PLA2G4B: variants seen among roughly 807,000 people sequenced by gnomAD.
PLA2G4B encodes the protein cytosolic phospholipase A2 beta.
PLA2G4B carries 122 observed loss-of-function variants against 95.8 expected under a neutral mutation model. The observed-to-expected ratio is 1.27, with a 90% CI of 1.10 to 1.48. PLA2G4B has a LOEUF of 1.48. PLA2G4B is among the 40% of genes most tolerant of loss of function. The pLI, the probability that PLA2G4B is intolerant of heterozygous loss-of-function variation, is 0.00. For missense variants in PLA2G4B, 1,158 were observed against 996.2 expected, an observed-to-expected ratio of 1.16 and a Z score of -2.19; for synonymous variants, 518 against 421.5, an observed-to-expected ratio of 1.23 and a Z score of -2.80.
At chr15:41,843,924 C>T in intron 11 of PLA2G4B, 113 bp downstream of exon 11, 1 of 1,462,344 alleles carries the variant, frequency 6.8e-7, no homozygotes, top group Non-Finnish European at 9.0e-7. Context: ...AGCTGCCTGT[C>T]CCCACCCTGC....
intron 10 of PLA2G4B, among the ~76,000 whole-genome samples, chr15:41,843,381 G>C (rs191819967): frequency 1.8e-4 from 28 of 152,136 alleles, no homozygotes; most frequent in African/African-American, 3.9e-4. Context: ...AGACTTGGAG[G>C]GGGGGGATCT....
chr15:41,845,574 C>CGGGGTG (rs1324771314), intron 14 of PLA2G4B, 64 bp from the exon 15 acceptor site: 28 of 1,592,206 alleles, frequency 1.8e-5, no homozygotes, highest in East Asian at 9.0e-5. Context: ...AACCCTGGGT[C>CGGGGTG]GGGGTGGGGG....
In PLA2G4B at chr15:41,845,717, G is replaced by A. The variant is rs144134982; in HGVS notation, c.1437G>A (p.Glu479=). The A allele has an allele frequency of 6.2e-7, 1 of 1,613,114 alleles. No homozygotes were observed. The highest frequency in any genetic ancestry group is 8.5e-7 in the Non-Finnish European group (1 of 1,179,604). Residue 479 remains glutamate (E), a synonymous_variant, in exon 15 of 20, where the codon GAG becomes GAA. Transcript: ENST00000458483. Reference sequence around the variant, plus strand: ...TCCCCTCTGAGCTCTTTGGCTCCGAGTTCTTTATGGGGCAGCTGATGAAGA... The same window carrying A: ...TCCCCTCTGAGCTCTTTGGCTCCGAATTCTTTATGGGGCAGCTGATGAAGA... The part of the protein sequence containing the change: ...AFIPSELFGS[E]FFMGQLMKRL...
chr15:41,843,762 C>T lies in PLA2G4B; in HGVS notation c.830C>T (p.Ala277Val), dbSNP rs145554825. 8.7e-6 allele frequency: 14 copies of T among 1,613,720 alleles called. No individual in the cohort carries two copies. The highest frequency in any genetic ancestry group is 6.7e-5 in the African/African-American group (5 of 74,920). Residue 277 changes from alanine to valine, a missense_variant, in exon 11 of 20, where the codon GCG becomes GTG. Transcript: ENST00000458483. ...AGCAGGAGGAAGCAGGTGGTGGCCGCGGCCTTGAGGCAGGCCCTGCAGCTG... is the reference window on the plus strand; with the variant it reads ...AGCAGGAGGAAGCAGGTGGTGGCCGTGGCCTTGAGGCAGGCCCTGCAGCTG... ...FLSRRKQVVAAALRQALQLDG... is the reference protein window; with the variant it reads ...FLSRRKQVVAVALRQALQLDG...
intron 3 of PLA2G4B, 54 bp downstream of exon 3, chr15:41,840,714 T>C: frequency 6.2e-7 from 1 of 1,606,678 alleles, no homozygotes; most frequent in Non-Finnish European, 8.5e-7. Flanking sequence ...CCACTGCCGC[T>C]GCCCTGCTCA....
Position 41,846,843 on chromosome 15 carries a change from AG to A in PLA2G4B, c.1947+11del. On this transcript the variant is annotated intron_variant, in intron 18 of 19. Transcript: ENST00000458483. ...CTCCACGGAGCCTTCCAGGTTGGGA[AG>A]GGTGGGCAGCCCACCAGGGAGGCGG... The A allele has an allele frequency of 1.3e-6, 2 of 1,599,228 alleles. No individual in the cohort carries two copies. Among genetic ancestry groups the A allele is most frequent in the Non-Finnish European group, 1.7e-6 (2 of 1,168,758 alleles).
At chr15:41,839,130 C>A in intron 1 of PLA2G4B, 1 of 436,828 alleles carries the variant, frequency 2.3e-6, no homozygotes, top group South Asian at 3.5e-5. Context: ...GTCCTGGGAA[C>A]GGGCTCCTGG....
At position 41,840,258 on chromosome 15, in the gene PLA2G4B, G is replaced by A. The variant is rs763234818; in HGVS notation, c.82+28G>A. On this transcript the variant is annotated intron_variant, in intron 2 of 19. Transcript: ENST00000458483. ...GAGTGCGCACCGCCCTGGCCCCTGTGCTGGGCTGAGGGAGGAGGAGGGTGC... is the reference window on the plus strand; with the variant it reads ...GAGTGCGCACCGCCCTGGCCCCTGTACTGGGCTGAGGGAGGAGGAGGGTGC... 3 of 1,611,300 alleles carry A rather than the reference G, an allele frequency of 1.9e-6. 1 individual carries two copies. The South Asian group carries it at 3.3e-5, about 18-fold the overall frequency.
intron 10 of PLA2G4B, 138 bp downstream of exon 10, chr15:41,842,729 C>T (rs531710185): frequency 1.9e-5 from 26 of 1,339,408 alleles, no homozygotes; most frequent in African/African-American, 1.2e-4. Flanking sequence ...GGCTTGCGCT[C>T]GAGGGGGCAC....
Position 41,847,904 on chromosome 15 carries a change from C to T in PLA2G4B, c.*44C>T, listed in dbSNP as rs771243767. 1 of 1,577,268 alleles carries T rather than the reference C, an allele frequency of 6.3e-7. No homozygotes were observed. Among genetic ancestry groups the T allele is most frequent in the South Asian group, 1.1e-5 (1 of 87,578 alleles). Reference sequence around the variant, plus strand: ...CCCCTAACTCTCATTCATTCCCTGGCTGCTGAGTTGCAGGTGGGAACTGTC... The same window carrying T: ...CCCCTAACTCTCATTCATTCCCTGGTTGCTGAGTTGCAGGTGGGAACTGTC... On this transcript the variant is annotated 3_prime_UTR_variant, in exon 20 of 20. Transcript: ENST00000458483.
In PLA2G4B at chr15:41,842,548, T is replaced by G; in HGVS notation, c.706-6T>G. On this transcript the variant is annotated splice_polypyrimidine_tract_variant and splice_region_variant and intron_variant, in intron 9 of 19. Transcript: ENST00000458483. ...CTTTTGTGACTGGGGCCTTCACGGT[T>G]TTCAGGAGCCCCTGATGAGAGTGGA... 5 of 1,611,444 alleles carry G rather than the reference T, an allele frequency of 3.1e-6. No homozygotes were observed. The highest frequency in any genetic ancestry group is 3.4e-6 in the Non-Finnish European group (4 of 1,179,282).
At chr15:41,841,603 G>T (rs1265009688) in intron 7 of PLA2G4B, 32 bp downstream of exon 7, 1 of 1,613,698 alleles carries the variant, frequency 6.2e-7, no homozygotes, top group Admixed American at 1.7e-5. Context: ...ACAGCCCCTG[G>T]CTCTCAGCTC....
At chr15:41,846,861 GGGAGGC>G (rs771094760) in intron 18 of PLA2G4B, 26 bp downstream of exon 18, 1 of 1,587,834 alleles carries the variant, frequency 6.3e-7, no homozygotes, top group East Asian at 2.3e-5. Context: ...CAGCCCACCA[GGGAGGC>G]GGTGGGTGGC....
At chr15:41,844,043 C>T (rs971028563) in intron 11 of PLA2G4B, among the ~76,000 whole-genome samples, 12 of 152,226 alleles carry the variant, frequency 7.9e-5, no homozygotes, top group African/African-American at 2.4e-4. Context: ...TACTCTGTTT[C>T]TTGGTTCTCA....
At chr15:41,841,789 C>T (rs1183557633) in intron 7 of PLA2G4B, 30 bp from the exon 8 acceptor site, 1 of 1,609,260 alleles carries the variant, frequency 6.2e-7, no homozygotes, top group Admixed American at 1.7e-5. Context: ...ATACCGTCCC[C>T]AGCCTCTCTG....
Position 41,846,618 on chromosome 15 carries a change from A to C in PLA2G4B, c.1781-51A>C, listed in dbSNP as rs138044197. On this transcript the variant is annotated intron_variant, in intron 17 of 19. Transcript: ENST00000458483. ...GCCAGAGTCTCTCCTTCCAGCAGGA[A>C]TCTGGTACCCTTGGTATCTGTGACA... 1.4e-3 allele frequency: 2,122 copies of C among 1,556,218 alleles called. 31 individuals are homozygous for C. The African/African-American group carries it at 0.026, about 19-fold the overall frequency.
rs200326905 is a variant in PLA2G4B, at chr15:41,841,299, C to T, written c.435+26C>T. The T allele has an allele frequency of 7.4e-4, 1,195 of 1,611,860 alleles. 1 individual carries two copies. The highest frequency in any genetic ancestry group is 3.6e-3 in the African/African-American group (273 of 74,930). ...GTGAGTGTGCCAGTGCTCTGGGAGG[C>T]GGTCTGGGGTCCCCGGGACTCCCTC... On this transcript the variant is annotated intron_variant, in intron 6 of 19. Transcript: ENST00000458483.
intron 9 of PLA2G4B, 121 bp downstream of exon 9, chr15:41,842,397 G>A: frequency 6.5e-7 from 1 of 1,543,052 alleles, no homozygotes; most frequent in Non-Finnish European, 8.7e-7. Context: ...CTGGGGCCAG[G>A]CTCTTTGGGG....
intron 6 of PLA2G4B, 95 bp from the exon 7 acceptor site, chr15:41,841,422 T>C (rs1361352438): frequency 6.2e-6 from 10 of 1,609,506 alleles, no homozygotes; most frequent in East Asian, 2.2e-5. Flanking sequence ...GCCCAGGTAA[T>C]GAAGTGCAGA....
Sources: gnomAD v4.1 joint callset for allele counts (sites outside exome capture counted in the v4.1 genomes callset) on GRCh38, gnomAD v4.1.1 for gene constraint, MANE v1.5 for transcripts, NCBI Gene and HGNC (gene_info 2026-07-23, HGNC 2026-07-21) for gene names.